Variants in ERC1 observed in about 807,000 individuals in gnomAD.
ERC1 encodes the protein RAB6 interacting protein 2.
ERC1 carries 56 observed loss-of-function variants against 132.0 expected under a neutral mutation model. That is an observed-to-expected ratio of 0.42 (90% confidence interval 0.34 to 0.53). ERC1 has a LOEUF of 0.53. Ranked by LOEUF, ERC1 falls within the 20% of genes least tolerant of loss-of-function variation. The pLI, the probability that ERC1 is intolerant of heterozygous loss-of-function variation, is 0.03. For synonymous variants in ERC1, 478 were observed against 476.1 expected (o/e 1.00, Z -0.05); for missense variants, 1,202 against 1,349.9 (o/e 0.89, Z 1.72).
chr12:993,587 A>G (rs1000550334), intron 1 of ERC1, among the ~76,000 whole-genome samples: 2 of 152,068 alleles, frequency 1.3e-5, no homozygotes, highest in Admixed American at 6.5e-5. Flanking sequence ...TGTTAATTCA[A>G]CATTAATACT....
chr12:1,301,408 A>G (rs1335751747), intron 15 of ERC1, among the ~76,000 whole-genome samples: 1 of 152,214 alleles, frequency 6.6e-6, no homozygotes, highest in Non-Finnish European at 1.5e-5. Context: ...AAGACATGGA[A>G]TCAACCTAAA....
chr12:1,177,386 G>C (rs1566153956), intron 8 of ERC1, among the ~76,000 whole-genome samples: 1 of 152,120 alleles, frequency 6.6e-6, no homozygotes, highest in South Asian at 2.1e-4. Context: ...TGTAGCATTT[G>C]ACTTAATCAT....
At chr12:1,423,721 A>G (rs148576226) in intron 17 of ERC1, among the ~76,000 whole-genome samples, 37 of 152,244 alleles carry the variant, frequency 2.4e-4, no homozygotes, top group African/African-American at 8.4e-4. Flanking sequence ...TGTCCTTTGA[A>G]TTATTTCAGG....
At chr12:1,091,105 T>C (rs548422339) in intron 3 of ERC1, among the ~76,000 whole-genome samples, 2 of 152,270 alleles carry the variant, frequency 1.3e-5, no homozygotes, top group Non-Finnish European at 2.9e-5. Context: ...GCCAGGCTGG[T>C]CTCAAACTCC....
chr12:1,198,776 A>G (rs1956580532), intron 12 of ERC1, among the ~76,000 whole-genome samples: 1 of 152,124 alleles, frequency 6.6e-6, no homozygotes, highest in Non-Finnish European at 1.5e-5. Flanking sequence ...CCGGCAGGAG[A>G]GAGAGAGCCA....
At chr12:1,031,042 T>G (rs1276460233) in intron 2 of ERC1, among the ~76,000 whole-genome samples, 1 of 152,232 alleles carries the variant, frequency 6.6e-6, no homozygotes, top group Non-Finnish European at 1.5e-5. Flanking sequence ...CGGTTGATTG[T>G]CTTACCATTC....
chr12:1,269,352 T>C (rs555977468), intron 14 of ERC1, among the ~76,000 whole-genome samples: 2 of 152,304 alleles, frequency 1.3e-5, no homozygotes, highest in South Asian at 4.1e-4. Flanking sequence ...GTCCTGGGCC[T>C]TGAAGGCTAA....
chr12:1,365,854 TGTG>T (rs2086614922), intron 15 of ERC1, among the ~76,000 whole-genome samples: 1 of 152,108 alleles, frequency 6.6e-6, no homozygotes, highest in African/African-American at 2.4e-5. Flanking sequence ...ATAAACAAAA[TGTG>T]GTATGTGGGT....
At chr12:1,333,421 C>T (rs566111225) in intron 15 of ERC1, among the ~76,000 whole-genome samples, 201 of 150,990 alleles carry the variant, frequency 1.3e-3, no homozygotes, top group African/African-American at 4.6e-3. Context: ...CAATCTCTGC[C>T]TCCCAGGTTC....
Position 1,362,506 on chromosome 12 carries a change from C to T in ERC1, c.2781-9327C>T, listed in dbSNP as rs79574206. Among the ~76,000 whole-genome samples the T allele has an allele frequency of 1.1e-3, 170 of 152,028 alleles. No individual in the cohort carries two copies. In the East Asian group the frequency reaches 0.022, roughly 19 times the overall value. On this transcript the variant is annotated intron_variant, in intron 15 of 18. Transcript: ENST00000360905. Reference sequence around the variant, plus strand: ...TCTCGAAGAGCTGGAAAAGAGGACTCGAGGAAAAAATATTCATAGGGTAAT... The same window carrying T: ...TCTCGAAGAGCTGGAAAAGAGGACTTGAGGAAAAAATATTCATAGGGTAAT...
chr12:1,285,800 G>T (rs1172354179), intron 14 of ERC1, among the ~76,000 whole-genome samples: 2 of 152,062 alleles, frequency 1.3e-5, no homozygotes, highest in African/African-American at 2.4e-5. Context: ...ATTTAATAAG[G>T]TTCACATAAC....
chr12:1,362,448 G>GTCTCTC (rs750785449), intron 15 of ERC1, among the ~76,000 whole-genome samples: 6 of 144,804 alleles, frequency 4.1e-5, no homozygotes, highest in Admixed American at 6.8e-5. Context: ...CTCTCTCTCT[G>GTCTCTC]TCTCTCTCTC....
chr12:1,413,451 G>A (rs1311100549), intron 17 of ERC1, among the ~76,000 whole-genome samples: 1 of 151,960 alleles, frequency 6.6e-6, no homozygotes, highest in African/African-American at 2.4e-5. Flanking sequence ...AAAATTAGCT[G>A]GGTGTCATGG....
chr12:1,355,676 C>T (rs550376885), intron 15 of ERC1, among the ~76,000 whole-genome samples: 5 of 152,278 alleles, frequency 3.3e-5, no homozygotes, highest in South Asian at 2.1e-4. Context: ...CAAGAGAAAG[C>T]GTCTTGTCTT....
At chr12:1,048,882 A>G (rs1831933247) in intron 2 of ERC1, among the ~76,000 whole-genome samples, 1 of 152,202 alleles carries the variant, frequency 6.6e-6, no homozygotes, top group Admixed American at 6.5e-5. Flanking sequence ...GATGTGTGGT[A>G]TTGAACTTGT....
At chr12:1,485,014 C>T (rs1371011838) in intron 18 of ERC1, among the ~76,000 whole-genome samples, 1 of 151,750 alleles carries the variant, frequency 6.6e-6, no homozygotes, top group Admixed American at 6.6e-5. Flanking sequence ...TCCAGAGCGG[C>T]TAGAACTAGA....
At chr12:1,247,647 T>C (rs1331060959) in intron 13 of ERC1, among the ~76,000 whole-genome samples, 1 of 152,242 alleles carries the variant, frequency 6.6e-6, no homozygotes, top group Non-Finnish European at 1.5e-5. Context: ...AATTTAGGAA[T>C]GCAGATATTA....
chr12:1,353,043 T>C (rs2085168241), intron 15 of ERC1, among the ~76,000 whole-genome samples: 1 of 150,332 alleles, frequency 6.7e-6, no homozygotes, highest in African/African-American at 2.4e-5. Flanking sequence ...TTTTTTTTTT[T>C]TTTCTGAGAT....
intron 2 of ERC1, among the ~76,000 whole-genome samples, chr12:1,053,236 G>T (rs545622858): frequency 2.0e-5 from 3 of 152,254 alleles, no homozygotes; most frequent in African/African-American, 7.2e-5. Flanking sequence ...GTATTAATGG[G>T]TATTATTTAT....
Sources: gnomAD v4.1 joint callset for allele counts (sites outside exome capture counted in the v4.1 genomes callset) on GRCh38, gnomAD v4.1.1 for gene constraint, MANE v1.5 for transcripts, NCBI Gene and HGNC (gene_info 2026-07-23, HGNC 2026-07-21) for gene names.